F13A1: variants seen among roughly 807,000 people sequenced by gnomAD.
The protein encoded by F13A1 is coagulation factor XIII A chain, also known as FSF, A subunit.
F13A1 carries 47 observed loss-of-function variants against 80.1 expected under a neutral mutation model. The ratio of observed to expected loss-of-function variants is 0.59; its 90% CI spans 0.46 to 0.75. The LOEUF (loss-of-function observed/expected upper bound fraction) is 0.75. Ranked by LOEUF, F13A1 falls within the 30% of genes least tolerant of loss-of-function variation. F13A1 has a pLI of 0.00. For missense variants in F13A1, 817 were observed against 930.4 expected (o/e 0.88, Z 1.59); for synonymous variants, 349 against 344.9 (o/e 1.01, Z -0.13).
chr6:6,167,644 C>T, intron 12 of F13A1, 26 bp from the exon 13 acceptor site: 1 of 1,611,794 alleles, frequency 6.2e-7, no homozygotes, highest in Non-Finnish European at 8.5e-7. Flanking sequence ...ACACACAGGC[C>T]TGGCATCAAG....
chr6:6,217,651 A>C (rs1051826426), intron 8 of F13A1, among the ~76,000 whole-genome samples: 1 of 152,186 alleles, frequency 6.6e-6, no homozygotes, highest in African/African-American at 2.4e-5. Flanking sequence ...CACGTTGTGC[A>C]CATGTACCCT....
At chr6:6,193,494 T>C (rs1296784044) in intron 10 of F13A1, among the ~76,000 whole-genome samples, 2 of 152,168 alleles carry the variant, frequency 1.3e-5, no homozygotes, top group Non-Finnish European at 2.9e-5. Context: ...AGATTCCTCA[T>C]ACACTTTTCA....
intron 3 of F13A1, among the ~76,000 whole-genome samples, chr6:6,270,803 A>T (rs1279151426): frequency 6.6e-6 from 1 of 152,220 alleles, no homozygotes; most frequent in Non-Finnish European, 1.5e-5. Context: ...ATATGAGGAA[A>T]AGGGACATTG....
intron 8 of F13A1, among the ~76,000 whole-genome samples, chr6:6,200,245 G>A (rs2151083536): frequency 6.6e-6 from 1 of 152,166 alleles, no homozygotes; most frequent in Non-Finnish European, 1.5e-5. Context: ...TGAATGAGGA[G>A]GGAAGAAAGA....
At chr6:6,273,727 A>C (rs935190582) in intron 3 of F13A1, among the ~76,000 whole-genome samples, 2 of 152,238 alleles carry the variant, frequency 1.3e-5, no homozygotes, top group African/African-American at 4.8e-5. Flanking sequence ...TGAAGGTAAC[A>C]GCATGATGTA....
chr6:6,219,781 A>G (rs1191950175), intron 8 of F13A1, among the ~76,000 whole-genome samples: 1 of 152,186 alleles, frequency 6.6e-6, no homozygotes, highest in Non-Finnish European at 1.5e-5. Context: ...AATACCCCAA[A>G]GTAACAGAAA....
intron 8 of F13A1, among the ~76,000 whole-genome samples, chr6:6,200,139 T>A (rs1244741042): frequency 1.3e-5 from 2 of 152,156 alleles, no homozygotes; most frequent in Admixed American, 1.3e-4. Context: ...CATTTTTGTC[T>A]ACACTTGTGA....
chr6:6,237,564 A>G (rs77232818), intron 6 of F13A1, among the ~76,000 whole-genome samples: 1 of 152,220 alleles, frequency 6.6e-6, no homozygotes, highest in South Asian at 2.1e-4. Flanking sequence ...TCCACACTCA[A>G]ACCTCTTCTT....
intron 11 of F13A1, among the ~76,000 whole-genome samples, chr6:6,180,468 T>C (rs1298491742): frequency 6.6e-6 from 1 of 152,226 alleles, no homozygotes; most frequent in Non-Finnish European, 1.5e-5. Context: ...CCAGCTGTCG[T>C]GTGGATGTAT....
chr6:6,183,594 TGTTA>T (rs1761026405), intron 10 of F13A1, among the ~76,000 whole-genome samples: 1 of 152,222 alleles, frequency 6.6e-6, no homozygotes, highest in African/African-American at 2.4e-5. Flanking sequence ...CACATAATTC[TGTTA>T]GATAGTCAGG....
chr6:6,155,147 C>A (rs192589399), intron 13 of F13A1, among the ~76,000 whole-genome samples: 23 of 152,266 alleles, frequency 1.5e-4, no homozygotes, highest in Admixed American at 1.2e-3. Flanking sequence ...AGATTAAGAA[C>A]CCTTCCCATA....
chr6:6,311,959 A>G (rs1342051622), intron 2 of F13A1, among the ~76,000 whole-genome samples: 1 of 147,704 alleles, frequency 6.8e-6, no homozygotes, highest in African/African-American at 2.5e-5. Flanking sequence ...TTATGTATAT[A>G]TTGTTTACAT....
In F13A1 at chr6:6,315,383, G is replaced by A. The variant is rs965519825; in HGVS notation, c.130+3152C>T. ...CTAAAATCATGCAAAGATGTCAAAC[G>A]CTACCACTGAATGGCTGGTCCCACC... On this transcript the variant is annotated intron_variant, in intron 2 of 14. Transcript: ENST00000264870. 3.3e-5 allele frequency among the ~76,000 whole-genome samples: 5 copies of A among 152,230 alleles called. No homozygotes were observed. In the East Asian group the frequency reaches 5.8e-4, roughly 18 times the overall value.
intron 6 of F13A1, among the ~76,000 whole-genome samples, chr6:6,225,179 G>T (rs975208067): frequency 5.3e-5 from 8 of 152,178 alleles, no homozygotes; most frequent in Admixed American, 3.3e-4. Flanking sequence ...TTTGGGCTAG[G>T]TTAGTGCTCA....
chr6:6,153,797 A>G (rs1760425796), intron 13 of F13A1, among the ~76,000 whole-genome samples: 1 of 152,198 alleles, frequency 6.6e-6, no homozygotes. Flanking sequence ...TGACAACCAT[A>G]ATTCACATAT....
chr6:6,267,290 C>A (rs976866033), intron 3 of F13A1, among the ~76,000 whole-genome samples: 7 of 152,128 alleles, frequency 4.6e-5, no homozygotes, highest in Non-Finnish European at 1.0e-4. Flanking sequence ...TTATACCACT[C>A]AGAATGAATA....
intron 10 of F13A1, among the ~76,000 whole-genome samples, chr6:6,193,902 C>T (rs887398202): frequency 2.0e-5 from 3 of 152,156 alleles, no homozygotes; most frequent in African/African-American, 7.2e-5. Context: ...GATAAAATTC[C>T]AAGTCCAGTA....
chr6:6,195,534 G>C (rs933334487), intron 10 of F13A1, among the ~76,000 whole-genome samples: 4 of 152,180 alleles, frequency 2.6e-5, no homozygotes, highest in Admixed American at 2.0e-4. Flanking sequence ...ATACTTAATG[G>C]GTGCAGAGAA....
intron 6 of F13A1, among the ~76,000 whole-genome samples, chr6:6,238,990 T>G (rs1757451002): frequency 6.6e-6 from 1 of 152,146 alleles, no homozygotes; most frequent in African/African-American, 2.4e-5. Context: ...GATCTAGGCA[T>G]GCTCTCTTTA....
Sources: gnomAD v4.1 joint callset for allele counts (sites outside exome capture counted in the v4.1 genomes callset) on GRCh38, gnomAD v4.1.1 for gene constraint, MANE v1.5 for transcripts, NCBI Gene and HGNC (gene_info 2026-07-23, HGNC 2026-07-21) for gene names.